USP24: variants seen among roughly 807,000 people sequenced by gnomAD.
The protein encoded by USP24 is ubiquitin specific peptidase 24.
A neutral mutation model predicts 361.6 loss-of-function variants in USP24; 97 were observed. That is an observed-to-expected ratio of 0.27 (90% CI 0.23 to 0.32). The LOEUF is 0.32. USP24 is among the 10% of genes least tolerant of loss of function. The probability of loss-of-function intolerance (pLI) is 1.00; values close to 1 mark genes in which losing one functional copy is unlikely to be tolerated. For missense variants in USP24, 2,353 were observed against 3,165.6 expected (o/e 0.74, Z 6.16); for synonymous variants, 1,098 against 1,124.6 (o/e 0.98, Z 0.47).
rs1186557156 is a variant in USP24, at chr1:55,075,656, ACAACAACAACAC to A, written c.7381-145_7381-134del. On this transcript the variant is annotated intron_variant, in intron 62 of 67. Coordinates refer to ENST00000294383, the MANE Select transcript of USP24 (RefSeq NM_015306.3). ...AACAACAACAACAACAACAACAACAACAACAACAACACCACCACCACCAATACAGGACGGGCA... is the reference window on the plus strand; with the variant it reads ...AACAACAACAACAACAACAACAACAACACCACCACCAATACAGGACGGGCA... 1.6e-4 allele frequency: 80 copies of A among 498,620 alleles called. 1 individual carries two copies. The African/African-American group carries it at 4.4e-3, about 28-fold the overall frequency. The allele number at this position is 498,620 out of a possible 1,614,324, so 30.9% of individuals were successfully genotyped here.
intron 60 of USP24, among the ~76,000 whole-genome samples, chr1:55,079,270 A>G (rs1323931358): frequency 6.6e-6 from 1 of 152,060 alleles, no homozygotes; most frequent in African/African-American, 2.4e-5. Flanking sequence ...CAATTAACGA[A>G]ATGATTTTGA....
At chr1:55,173,311 A>C (rs1249260901) in intron 3 of USP24, among the ~76,000 whole-genome samples, 4 of 152,178 alleles carry the variant, frequency 2.6e-5, no homozygotes, top group Non-Finnish European at 5.9e-5. Flanking sequence ...AAGACATTAA[A>C]CTGTTTACTT....
Position 55,072,804 on chromosome 1 carries a change from C to T in USP24, c.7584G>A (p.Val2528=). Residue 2528 remains valine, a synonymous_variant, in exon 65 of 68, where the codon GTG becomes GTA. Transcript: ENST00000294383. ...KENSHHWSWA[V]QWLQKKMSEH... is the part of the protein sequence containing the mutation. The stretch of plus-strand genomic sequence containing the variant: ...CAGTTACCTTCTTCTGTAGCCACTG[C>T]ACAGCCCAGCTCCAGTGGTGGGAAT... 2 of 1,605,650 alleles carry T rather than the reference C, an allele frequency of 1.2e-6. No homozygotes were observed. Among genetic ancestry groups the T allele is most frequent in the Non-Finnish European group, 1.7e-6 (2 of 1,175,936 alleles).
At chr1:55,204,367 A>G (rs1644651301) in intron 1 of USP24, among the ~76,000 whole-genome samples, 1 of 152,098 alleles carries the variant, frequency 6.6e-6, no homozygotes, top group African/African-American at 2.4e-5. Flanking sequence ...AATTAACATC[A>G]CTCTTTAAAA....
At chr1:55,168,457 G>A (rs1316736013) in intron 5 of USP24, among the ~76,000 whole-genome samples, 1 of 152,004 alleles carries the variant, frequency 6.6e-6, no homozygotes, top group Non-Finnish European at 1.5e-5. Flanking sequence ...TTAAAACGAA[G>A]AGAAAGCAGG....
intron 1 of USP24, among the ~76,000 whole-genome samples, chr1:55,184,265 G>A (rs371938954): frequency 3.4e-4 from 51 of 152,002 alleles, no homozygotes; most frequent in East Asian, 1.2e-3. Flanking sequence ...CCATGTTGCC[G>A]AGGCTGGTCT....
intron 10 of USP24, among the ~76,000 whole-genome samples, chr1:55,158,218 T>A (rs1480941788): frequency 6.6e-6 from 1 of 152,238 alleles, no homozygotes; most frequent in African/African-American, 2.4e-5. Flanking sequence ...CATGTGCCCA[T>A]CCTTTCTTGT....
chr1:55,100,147 G>A (rs528002043), intron 44 of USP24, among the ~76,000 whole-genome samples: 31 of 152,128 alleles, frequency 2.0e-4, no homozygotes, highest in Middle Eastern at 3.2e-3. Flanking sequence ...TCAACCTATG[G>A]GGAAAAACAC....
chr1:55,144,324 T>C (rs768347468), intron 20 of USP24, 121 bp from the exon 21 acceptor site: 3 of 537,278 alleles, frequency 5.6e-6, no homozygotes, highest in South Asian at 4.2e-5. Flanking sequence ...TTCTTAGATA[T>C]GGTACCAAAG....
At chr1:55,212,683 CTCCTG>C (rs376773459) in intron 1 of USP24, among the ~76,000 whole-genome samples, 3,344 of 152,298 alleles carry the variant, frequency 0.022, 90 homozygotes, top group African/African-American at 0.057. Context: ...TTCCAAAAGG[CTCCTG>C]TGTGTCAGGA....
chr1:55,121,003 T>C (rs2100596303), intron 37 of USP24, among the ~76,000 whole-genome samples: 1 of 152,302 alleles, frequency 6.6e-6, no homozygotes, highest in East Asian at 1.9e-4. Context: ...TATAACTTAA[T>C]GTAAATGAAA....
At position 55,078,621 on chromosome 1, in the gene USP24, A is replaced by G. The variant is rs991200086; in HGVS notation, c.7231T>C (p.Ser2411Pro). Residue 2411 changes from serine (S) to proline (P), a missense_variant, in exon 61 of 68, where the codon TCG becomes CCG. Ser to Pro is a moderately conservative substitution (Grantham distance 74, BLOSUM62 -1). This residue lies in a region of USP24 where 598 missense variants were observed against 761.9 expected (regional missense o/e 0.78). Transcript: ENST00000294383. ...ACCATCTCAATGAGTGCCAAGAGCG[A>G]GCCTGTCAGCTCCCGCAAAGCAAAC... ...VMFALRELTG[S>P]LLALIEMVVY... 1 of 1,610,434 alleles carries G rather than the reference A, an allele frequency of 6.2e-7. No homozygotes were observed. The highest frequency in any genetic ancestry group is 1.3e-5 in the African/African-American group (1 of 74,962).
At chr1:55,117,693 G>A (rs751187082) in intron 38 of USP24, among the ~76,000 whole-genome samples, 22 of 126,368 alleles carry the variant, frequency 1.7e-4, no homozygotes, top group Non-Finnish European at 2.3e-4. Context: ...CCGAGATTGC[G>A]CCACTGCAGT....
chr1:55,208,483 C>T (rs759995786), intron 1 of USP24, among the ~76,000 whole-genome samples: 58 of 151,184 alleles, frequency 3.8e-4, no homozygotes, highest in Non-Finnish European at 5.3e-4. Context: ...TGAAAATTAG[C>T]CGGATGTGGT....
intron 66 of USP24, 121 bp downstream of exon 66, chr1:55,072,196 C>T: frequency 1.3e-6 from 1 of 779,250 alleles, no homozygotes; most frequent in Non-Finnish European, 2.1e-6. Flanking sequence ...CCAATTGTTT[C>T]TTCTGCTTGT....
Position 55,144,169 on chromosome 1 carries a change from C to T in USP24, c.2397G>A (p.Val799=). 4 of 1,605,794 alleles carry T rather than the reference C, an allele frequency of 2.5e-6. No individual in the cohort carries two copies. Among genetic ancestry groups the T allele is most frequent in the South Asian group, 1.1e-5 (1 of 88,996 alleles). Residue 799 remains valine (V), a synonymous_variant, in exon 21 of 68, where the codon GTG becomes GTA. Transcript: ENST00000294383. ...FNLFKTFFEN[V]NLCDHRLKRQ... is the part of the protein sequence containing the mutation. ...TTTTCAATCGATGATCACAAAGATT[C>T]ACATTTTCAAAAAAAGTTTTAAATA... is the stretch of plus-strand genomic sequence containing the variant.
intron 3 of USP24, among the ~76,000 whole-genome samples, chr1:55,173,002 G>C (rs1649605185): frequency 6.6e-6 from 1 of 152,072 alleles, no homozygotes; most frequent in African/African-American, 2.4e-5. Context: ...TTTATAAATG[G>C]TAAGGCATTA....
At position 55,067,645 on chromosome 1, in the gene USP24, T is replaced by G. The variant is rs994346255; in HGVS notation, c.*1400A>C. ...GCCAGACAGGCACTTCAGGGCTGGC[T>G]GCGCCTCTGTGACTTGGCAAATCTG... On this transcript the variant is annotated 3_prime_UTR_variant, in exon 68 of 68. Transcript: ENST00000294383. The G allele has an allele frequency of 2.0e-5, 3 of 152,274 alleles. No homozygotes were observed. The highest frequency in any genetic ancestry group is 4.4e-5 in the Non-Finnish European group (3 of 68,074). The allele number at this position is 152,274 out of a possible 1,614,324, so 9.4% of individuals were successfully genotyped here.
chr1:55,087,778 G>A (rs1645284045), intron 55 of USP24, among the ~76,000 whole-genome samples: 1 of 152,224 alleles, frequency 6.6e-6, no homozygotes, highest in South Asian at 2.1e-4. Context: ...AGAAAAAAGG[G>A]AGCAGACTAG....
Sources: gnomAD v4.1 joint callset for allele counts (sites outside exome capture counted in the v4.1 genomes callset) on GRCh38, gnomAD v4.1.1 for gene constraint, gnomAD v4.1.1 regional missense constraint, MANE v1.5 for transcripts, NCBI Gene and HGNC (gene_info 2026-07-23, HGNC 2026-07-21) for gene names.